Variants in HTR1E observed in about 807,000 individuals in gnomAD.
The protein encoded by HTR1E is 5-hydroxytryptamine receptor 1E.
Under a neutral mutation model 3.4 loss-of-function variants are expected in HTR1E, and 3 were observed. The ratio of observed to expected loss-of-function variants is 0.89; its 90% confidence interval spans 0.41 to 2.31. HTR1E has a LOEUF of 2.31. Among genes scored for constraint, HTR1E ranks in the 30% most tolerant of loss-of-function variants. HTR1E has a pLI of 0.05. For missense variants in HTR1E, 392 were observed against 467.0 expected (o/e 0.84, Z 1.48); for synonymous variants, 170 against 182.8 (o/e 0.93, Z 0.56).
chr6:86,947,575 C>G (rs1321210992), intron 1 of HTR1E, among the ~76,000 whole-genome samples: 1 of 152,038 alleles, frequency 6.6e-6, no homozygotes, highest in African/African-American at 2.4e-5. Context: ...GAGGCAGCCA[C>G]TATTGATACT....
chr6:87,005,617 G>A (rs1768091064), intron 1 of HTR1E, among the ~76,000 whole-genome samples: 1 of 152,084 alleles, frequency 6.6e-6, no homozygotes, highest in Non-Finnish European at 1.5e-5. Flanking sequence ...TTAAATCTAA[G>A]ACCTCAAACT....
rs1197479101 is a variant in HTR1E at position 86,950,186 on chromosome 6, A to T, written c.-186+12363A>T. Among the ~76,000 whole-genome samples the T allele has an allele frequency of 3.9e-5, 6 of 152,206 alleles. No homozygotes were observed. The East Asian group carries it at 9.6e-4, about 24-fold the overall frequency. On this transcript the variant is annotated intron_variant, in intron 1 of 1. Transcript: ENST00000305344. ...GGTTATTTCCCTTGAATTATACAAA[A>T]TTTCACTATTCTTGAAAAAGTACAT...
At chr6:87,012,816 G>A (rs1379358221) in intron 1 of HTR1E, among the ~76,000 whole-genome samples, 1 of 152,210 alleles carries the variant, frequency 6.6e-6, no homozygotes, top group Non-Finnish European at 1.5e-5. Flanking sequence ...CTGATTTAAA[G>A]AGGAGGAAAT....
At position 86,964,275 on chromosome 6, in the gene HTR1E, A is replaced by C. The variant is rs1467698217; in HGVS notation, c.-186+26452A>C. Among the ~76,000 whole-genome samples, 3 of 151,288 alleles carry C rather than the reference A, an allele frequency of 2.0e-5. No homozygotes were observed. In the East Asian group the frequency reaches 5.9e-4, roughly 30 times the overall value. ...GATTGCATTACTAACACATAAGACAAATCAGGAATATTTACAATTATCCTT... is the reference window on the plus strand; with the variant it reads ...GATTGCATTACTAACACATAAGACACATCAGGAATATTTACAATTATCCTT... On this transcript the variant is annotated intron_variant, in intron 1 of 1. Transcript: ENST00000305344.
intron 1 of HTR1E, among the ~76,000 whole-genome samples, chr6:86,995,665 CAAAAAAAAAAA>C (rs60134206): frequency 5.5e-5 from 2 of 36,688 alleles, no homozygotes; most frequent in African/African-American, 1.0e-4. Flanking sequence ...GACTCCATCT[CAAAAAAAAAAA>C]AAAAAAAAAA....
intron 1 of HTR1E, among the ~76,000 whole-genome samples, chr6:86,939,810 T>C (rs1042238082): frequency 1.3e-5 from 2 of 152,222 alleles, no homozygotes; most frequent in African/African-American, 2.4e-5. Context: ...CCAGACCAAG[T>C]GCATGGAAAC....
intron 1 of HTR1E, among the ~76,000 whole-genome samples, chr6:86,968,880 T>C (rs1391359327): frequency 6.9e-6 from 1 of 144,208 alleles, no homozygotes; most frequent in African/African-American, 2.5e-5. Flanking sequence ...TAACACAAGA[T>C]TATTTTTTAA....
intron 1 of HTR1E, among the ~76,000 whole-genome samples, chr6:86,984,394 G>A (rs1221764921): frequency 6.6e-6 from 1 of 152,154 alleles, no homozygotes; most frequent in Non-Finnish European, 1.5e-5. Context: ...AAAAACCAAA[G>A]CACAGCCATT....
intron 1 of HTR1E, among the ~76,000 whole-genome samples, chr6:86,997,499 A>G (rs1238020804): frequency 6.6e-6 from 1 of 151,894 alleles, no homozygotes; most frequent in Non-Finnish European, 1.5e-5. Flanking sequence ...AAGGTAGCAT[A>G]ATACAAGATC....
In HTR1E at chr6:86,943,615, TA is replaced by T. The variant is rs1171700147; in HGVS notation, c.-186+5793del. 2.6e-5 allele frequency among the ~76,000 whole-genome samples: 4 copies of T among 152,306 alleles called. No homozygotes were observed. The East Asian group carries it at 7.7e-4, about 29-fold the overall frequency. ...CAAACTGCACCTTGTGTTATACTACTAGGGGGTAACACAGCATGGGGCTCAA... is the reference window on the plus strand; with the variant it reads ...CAAACTGCACCTTGTGTTATACTACTGGGGGTAACACAGCATGGGGCTCAA... On this transcript the variant is annotated intron_variant, in intron 1 of 1. Coordinates refer to ENST00000305344, the MANE Select transcript of HTR1E (RefSeq NM_000865.3).
chr6:87,011,411 C>T (rs973305639), intron 1 of HTR1E, among the ~76,000 whole-genome samples: 1 of 152,170 alleles, frequency 6.6e-6, no homozygotes, highest in African/African-American at 2.4e-5. Flanking sequence ...TCCTTCAAAG[C>T]AGTTCAGGAA....
chr6:86,966,154 A>T (rs1767468846), intron 1 of HTR1E, among the ~76,000 whole-genome samples: 1 of 152,202 alleles, frequency 6.6e-6, no homozygotes, highest in Admixed American at 6.5e-5. Context: ...CTCCGAAAAA[A>T]AAATGAATAC....
intron 1 of HTR1E, among the ~76,000 whole-genome samples, chr6:87,004,277 C>A (rs1000005459): frequency 5.3e-5 from 8 of 151,956 alleles, no homozygotes; most frequent in African/African-American, 1.9e-4. Context: ...TATTACCCCC[C>A]AGACAAAGAT....
chr6:86,995,862 G>A (rs1467836528), intron 1 of HTR1E, among the ~76,000 whole-genome samples: 2 of 151,582 alleles, frequency 1.3e-5, no homozygotes, highest in Admixed American at 6.6e-5. Context: ...TCAGAGTAAA[G>A]AAAATTACCA....
Position 87,015,591 on chromosome 6 carries a change from A to G in HTR1E, c.257A>G (p.Asp86Gly), listed in dbSNP as rs756559653. ...MPLSIIYIVMDRWKLGYFLCE... is the reference protein window; with the variant it reads ...MPLSIIYIVMGRWKLGYFLCE... ...CTGAGCATCATCTACATTGTCATGG[A>G]TCGCTGGAAGCTTGGGTACTTCCTC... Residue 86 changes from aspartate to glycine, a missense_variant, in exon 2 of 2, where the codon GAT (aspartate) becomes GGT (glycine). Asp to Gly is a moderately conservative substitution (Grantham distance 94, BLOSUM62 -1). This residue lies in a region of HTR1E where 189 missense variants were observed against 258.0 expected (regional missense o/e 0.73). Coordinates refer to ENST00000305344, the MANE Select transcript of HTR1E (RefSeq NM_000865.3). 6.2e-7 allele frequency: 1 copy of G among 1,613,860 alleles called. No individual in the cohort carries two copies. Among genetic ancestry groups the G allele is most frequent in the African/African-American group, 1.3e-5 (1 of 74,890 alleles).
intron 1 of HTR1E, among the ~76,000 whole-genome samples, chr6:86,968,520 C>A (rs934782299): frequency 5.3e-5 from 8 of 152,186 alleles, no homozygotes; most frequent in Non-Finnish European, 1.5e-5. Flanking sequence ...GAGTGAATAG[C>A]AGAATCTCAT....
chr6:86,981,094 C>T (rs1313727435), intron 1 of HTR1E, among the ~76,000 whole-genome samples: 1 of 152,196 alleles, frequency 6.6e-6, no homozygotes, highest in Non-Finnish European at 1.5e-5. Context: ...AAGTCCCTCA[C>T]CCCTCCAACT....
At chr6:86,976,412 A>G (rs980617485) in intron 1 of HTR1E, among the ~76,000 whole-genome samples, 1 of 152,198 alleles carries the variant, frequency 6.6e-6, no homozygotes, top group Non-Finnish European at 1.5e-5. Flanking sequence ...TACCTACTCC[A>G]AAATCACTGA....
chr6:86,978,485 G>T (rs547318392), intron 1 of HTR1E, among the ~76,000 whole-genome samples: 1 of 152,142 alleles, frequency 6.6e-6, no homozygotes, highest in Non-Finnish European at 1.5e-5. Context: ...GTCTAATGGA[G>T]CAGAAATATG....
Sources: gnomAD v4.1 joint callset for allele counts (sites outside exome capture counted in the v4.1 genomes callset) on GRCh38, gnomAD v4.1.1 for gene constraint, gnomAD v4.1.1 regional missense constraint, MANE v1.5 for transcripts, NCBI Gene and HGNC (gene_info 2026-07-23, HGNC 2026-07-21) for gene names.